The following NRBF2 variants were observed in gnomAD, a reference collection of about 807,000 sequenced individuals.
The protein encoded by NRBF2 is nuclear receptor binding factor 2.
Under a neutral mutation model 28.5 loss-of-function variants are expected in NRBF2, and 12 were observed. That is an observed-to-expected ratio of 0.42 (90% CI 0.27 to 0.68). The LOEUF (loss-of-function observed/expected upper bound fraction) is 0.68. Among genes scored for constraint, NRBF2 ranks in the 30% least tolerant of loss-of-function variants. The probability of loss-of-function intolerance (pLI) is 0.24; values close to 1 mark genes in which losing one functional copy is unlikely to be tolerated. For missense variants in NRBF2, 274 were observed against 333.5 expected (o/e 0.82, Z 1.39); for synonymous variants, 102 against 116.5 (o/e 0.88, Z 0.80).
chr10:63,143,487 T>C (rs1387856062), intron 1 of NRBF2, among the ~76,000 whole-genome samples: 1 of 152,028 alleles, frequency 6.6e-6, no homozygotes, highest in East Asian at 1.9e-4. Context: ...GGACCGAGTC[T>C]CACTGTGTTG....
intron 1 of NRBF2, among the ~76,000 whole-genome samples, chr10:63,138,483 CAAAA>C (rs35901425): frequency 8.1e-5 from 9 of 111,480 alleles, no homozygotes; most frequent in Admixed American, 9.6e-5. Context: ...GACCTTGTCG[CAAAA>C]AAAAAAAAAA....
chr10:63,133,569 G>T, intron 1 of NRBF2, 69 bp downstream of exon 1: 1 of 1,214,780 alleles, frequency 8.2e-7, no homozygotes, highest in Non-Finnish European at 1.2e-6. Flanking sequence ...CCCGTCCCCG[G>T]CGCGTCGGCT....
chr10:63,149,964 C>T lies in NRBF2; in HGVS notation c.116-2186C>T, dbSNP rs555656685. Among the ~76,000 whole-genome samples the T allele has an allele frequency of 1.3e-4, 19 of 141,320 alleles. No individual in the cohort carries two copies. The South Asian group carries it at 2.7e-3, about 20-fold the overall frequency. 92.7% of individuals were successfully genotyped at this position (141,320 alleles called of 152,430 possible). ...CAGATTTTTTTTTTTTTTTTTGAAA[C>T]GGAGTCTTGCTCTGTTACCCAGGCT... On this transcript the variant is annotated intron_variant, in intron 2 of 3. Coordinates refer to ENST00000277746, the MANE Select transcript of NRBF2 (RefSeq NM_030759.5).
intron 1 of NRBF2, among the ~76,000 whole-genome samples, chr10:63,134,244 C>G (rs1364204825): frequency 6.6e-6 from 1 of 152,106 alleles, no homozygotes; most frequent in Non-Finnish European, 1.5e-5. Flanking sequence ...AATTAAAAAA[C>G]AACACAACAG....
intron 3 of NRBF2, among the ~76,000 whole-genome samples, chr10:63,153,210 G>A (rs1009707133): frequency 3.3e-5 from 5 of 152,054 alleles, no homozygotes; most frequent in African/African-American, 9.7e-5. Flanking sequence ...CCAAACACGC[G>A]GTTGATAGGA....
chr10:63,153,513 T>C lies in NRBF2; in HGVS notation c.159T>C (p.Ala53=), dbSNP rs751532941. 3 of 1,602,082 alleles carry C rather than the reference T, an allele frequency of 1.9e-6. No homozygotes were observed. The East Asian group carries it at 6.7e-5, about 36-fold the overall frequency. ...EAMKLTQSEQ[A]HLSLELQRDS... ...TTATCTTTCCTTCTATGTAATAGGC[T>C]CATCTTTCACTGGAATTGCAAAGGG... Residue 53 remains alanine, a splice_region_variant and synonymous_variant, in exon 4 of 4, where the codon GCT becomes GCC. Coordinates refer to ENST00000277746, the MANE Select transcript of NRBF2 (RefSeq NM_030759.5).
At chr10:63,147,643 C>T (rs1163276154) in intron 2 of NRBF2, among the ~76,000 whole-genome samples, 1 of 142,728 alleles carries the variant, frequency 7.0e-6, no homozygotes, top group Admixed American at 7.2e-5. Context: ...TTCTGGGGTA[C>T]ATGTGTAGAA....
In NRBF2 at chr10:63,138,693, A is replaced by G. The variant is rs997599195; in HGVS notation, c.30+5193A>G. ...CGGGAGGCAGAGCTTGCAGTGAGCCAAGATCGCACCACTGCACTCCAGCCT... is the reference window on the plus strand; with the variant it reads ...CGGGAGGCAGAGCTTGCAGTGAGCCGAGATCGCACCACTGCACTCCAGCCT... On this transcript the variant is annotated intron_variant, in intron 1 of 3. Coordinates refer to ENST00000277746, the MANE Select transcript of NRBF2 (RefSeq NM_030759.5). 6.6e-5 allele frequency among the ~76,000 whole-genome samples: 10 copies of G among 150,702 alleles called. No individual in the cohort carries two copies. In the South Asian group the frequency reaches 8.5e-4, roughly 13 times the overall value.
rs147707641 is a variant in NRBF2 at position 63,153,408 on chromosome 10, G to C, written c.157-103G>C. 146 of 846,298 alleles carry C rather than the reference G, an allele frequency of 1.7e-4. 1 individual carries two copies. The East Asian group carries it at 3.7e-3, about 21-fold the overall frequency. The allele number at this position is 846,298 out of a possible 1,614,324, so 52.4% of individuals were successfully genotyped here. A position where few individuals can be genotyped will look rare whatever the true frequency, so the allele number is the denominator to read the frequency against. On this transcript the variant is annotated intron_variant, in intron 3 of 3. Coordinates refer to ENST00000277746, the MANE Select transcript of NRBF2 (RefSeq NM_030759.5). ...TTGCAAACATAGTAAATTGTAAATTGTAAGTGTTGGGTTATTCACAAAGGA... is the reference window on the plus strand; with the variant it reads ...TTGCAAACATAGTAAATTGTAAATTCTAAGTGTTGGGTTATTCACAAAGGA...
At position 63,135,177 on chromosome 10, in the gene NRBF2, ACT is replaced by A. The variant is rs1841355943; in HGVS notation, c.30+1680_30+1681del. ...ACTCCAACCTGGGCGACAGAGCGAG[ACT>A]CTGACTCAAATAACCAGGGAACTGT... On this transcript the variant is annotated intron_variant, in intron 1 of 3. Coordinates refer to ENST00000277746, the MANE Select transcript of NRBF2 (RefSeq NM_030759.5). Among the ~76,000 whole-genome samples, 4 of 152,194 alleles carry A rather than the reference ACT, an allele frequency of 2.6e-5. No homozygotes were observed. The South Asian group carries it at 8.3e-4, about 32-fold the overall frequency.
rs1841607474 is a variant in NRBF2 at position 63,149,100 on chromosome 10, A to T, written c.115+2807A>T. Among the ~76,000 whole-genome samples the T allele has an allele frequency of 2.6e-5, 4 of 152,216 alleles. No individual in the cohort carries two copies. In the South Asian group the frequency reaches 8.3e-4, roughly 31 times the overall value. On this transcript the variant is annotated intron_variant, in intron 2 of 3. Transcript: ENST00000277746. Reference sequence around the variant, plus strand: ...CAGTTTAACAGATTCCTGTTAGAAGAGTAATAGATGTTACTATTTTTTGGT... The same window carrying T: ...CAGTTTAACAGATTCCTGTTAGAAGTGTAATAGATGTTACTATTTTTTGGT...
chr10:63,152,191 G>C lies in NRBF2; in HGVS notation c.156+1G>C. ...CATGAAGCTGACACAGTCAGAGCAG[G>C]TGAGACATATTCCCAATATTTGCGA... is the stretch of plus-strand genomic sequence containing the variant. On this transcript the variant is annotated splice_donor_variant, in intron 3 of 3. Coordinates refer to ENST00000277746, the MANE Select transcript of NRBF2 (RefSeq NM_030759.5). LOFTEE classifies it high-confidence loss of function. The C allele has an allele frequency of 1.2e-6, 2 of 1,613,134 alleles. No homozygotes were observed.
chr10:63,151,714 CAG>C (rs952892246), intron 2 of NRBF2, among the ~76,000 whole-genome samples: 33 of 152,142 alleles, frequency 2.2e-4, no homozygotes, highest in African/African-American at 8.0e-4. Flanking sequence ...TGGTTTAACT[CAG>C]AGACAATTCA....
At position 63,142,293 on chromosome 10, in the gene NRBF2, G is replaced by GTT. The variant is rs1261835924; in HGVS notation, c.31-3909_31-3908dup. Among the ~76,000 whole-genome samples the GTT allele has an allele frequency of 1.5e-3, 200 of 135,552 alleles. 7 individuals carry two copies. Among genetic ancestry groups the GTT allele is most frequent in the East Asian group, 0.014 (60 of 4,318 alleles). 88.9% of individuals were successfully genotyped at this position (135,552 alleles called of 152,430 possible). On this transcript the variant is annotated intron_variant, in intron 1 of 3. Transcript: ENST00000277746. ...CCAAACCTCCTGAATCAGAACCTTT[G>GTT]TTTTTTTTGTTTTTTTTGTTTTTTT... is the stretch of plus-strand genomic sequence containing the variant.
At chr10:63,141,570 T>C (rs1343329245) in intron 1 of NRBF2, among the ~76,000 whole-genome samples, 1 of 152,280 alleles carries the variant, frequency 6.6e-6, no homozygotes, top group Non-Finnish European at 1.5e-5. Flanking sequence ...ATATCGAGTA[T>C]GTACCAGTAC....
At chr10:63,146,712 A>C (rs1158317378) in intron 2 of NRBF2, among the ~76,000 whole-genome samples, 5 of 152,214 alleles carry the variant, frequency 3.3e-5, no homozygotes, top group African/African-American at 1.2e-4. Flanking sequence ...ATAATGCAAA[A>C]CTTACTATAA....
intron 1 of NRBF2, among the ~76,000 whole-genome samples, chr10:63,140,621 C>G (rs1201400270): frequency 6.6e-6 from 1 of 151,846 alleles, no homozygotes; most frequent in Non-Finnish European, 1.5e-5. Flanking sequence ...ACTATGTTGC[C>G]TATGCTGGTC....
chr10:63,147,317 TA>T (rs1355510151), intron 2 of NRBF2, among the ~76,000 whole-genome samples: 2 of 148,962 alleles, frequency 1.3e-5, no homozygotes, highest in East Asian at 2.1e-4. Flanking sequence ...CAGAGAAAAT[TA>T]AAATTTTTTT....
intron 2 of NRBF2, among the ~76,000 whole-genome samples, chr10:63,150,844 T>C (rs889513571): frequency 6.6e-5 from 10 of 152,304 alleles, no homozygotes; most frequent in Admixed American, 1.3e-4. Flanking sequence ...TAGATTATCA[T>C]AAGGAGAGTG....
Sources: allele counts gnomAD v4.1 joint callset (sites outside exome capture counted in the v4.1 genomes callset), GRCh38; gene constraint gnomAD v4.1.1; transcripts MANE v1.5; gene names NCBI Gene and HGNC (gene_info 2026-07-23, HGNC 2026-07-21).